NBEA: variants seen among roughly 807,000 people sequenced by gnomAD.
The protein encoded by NBEA is lysosomal-trafficking regulator 2.
Under a neutral mutation model 343.4 loss-of-function variants are expected in NBEA, and 44 were observed. The observed-to-expected ratio is 0.13, with a 90% CI of 0.10 to 0.16. The LOEUF (loss-of-function observed/expected upper bound fraction) is 0.16, where lower values mean the gene tolerates loss of function less well. Ranked by LOEUF, NBEA falls within the 10% of genes least tolerant of loss-of-function variation. The pLI is 1.00. For synonymous variants in NBEA, 1,175 were observed against 1,238.7 expected (o/e 0.95, Z 1.08); for missense variants, 2,555 against 3,631.3 (o/e 0.70, Z 7.62).
At chr13:35,025,584 A>G (rs540423108) in intron 1 of NBEA, among the ~76,000 whole-genome samples, 5 of 151,976 alleles carry the variant, frequency 3.3e-5, no homozygotes, top group Admixed American at 3.3e-4. Context: ...TTTGAAGTTG[A>G]GTAGTGTAAT....
At chr13:35,539,974 C>G (rs2153004611) in intron 41 of NBEA, among the ~76,000 whole-genome samples, 1 of 132,000 alleles carries the variant, frequency 7.6e-6, no homozygotes, top group Admixed American at 7.9e-5. Flanking sequence ...ATGCAGTTTT[C>G]TTCAGGTTAA....
chr13:34,966,269 T>C (rs2059817952), intron 1 of NBEA, among the ~76,000 whole-genome samples: 1 of 152,040 alleles, frequency 6.6e-6, no homozygotes, highest in Admixed American at 6.6e-5. Context: ...GATAGAGTAG[T>C]GTCCTCTTAT....
chr13:35,254,698 G>T (rs530802636), intron 34 of NBEA, among the ~76,000 whole-genome samples: 1 of 151,788 alleles, frequency 6.6e-6, no homozygotes, highest in African/African-American at 2.4e-5. Context: ...TTTTTTTCAA[G>T]ATAAAGACAG....
At chr13:35,471,034 G>C (rs2075620790) in intron 40 of NBEA, among the ~76,000 whole-genome samples, 2 of 152,138 alleles carry the variant, frequency 1.3e-5, no homozygotes, top group South Asian at 4.1e-4. Flanking sequence ...TCGGGGGATC[G>C]AGAGCAGTGA....
intron 1 of NBEA, among the ~76,000 whole-genome samples, chr13:34,995,536 C>G (rs774811162): frequency 2.6e-5 from 4 of 152,124 alleles, no homozygotes; most frequent in African/African-American, 7.2e-5. Flanking sequence ...GATTAGGCAG[C>G]CCTCAGAACT....
chr13:34,981,612 T>G (rs1029161986), intron 1 of NBEA, among the ~76,000 whole-genome samples: 2 of 152,200 alleles, frequency 1.3e-5, no homozygotes, highest in Non-Finnish European at 2.9e-5. Flanking sequence ...GTGTCTGTGT[T>G]CATCAGAGAT....
chr13:35,623,757 C>A (rs1030064507), intron 48 of NBEA, among the ~76,000 whole-genome samples: 1 of 151,982 alleles, frequency 6.6e-6, no homozygotes, highest in South Asian at 2.1e-4. Flanking sequence ...ACTTACAAGG[C>A]TTATGGAAAT....
At chr13:35,395,719 C>T (rs1040475409) in intron 38 of NBEA, among the ~76,000 whole-genome samples, 1 of 151,922 alleles carries the variant, frequency 6.6e-6, no homozygotes, top group Non-Finnish European at 1.5e-5. Flanking sequence ...ACTCATTCTC[C>T]CTATTAAAAG....
intron 4 of NBEA, among the ~76,000 whole-genome samples, chr13:35,045,991 T>C (rs974023558): frequency 2.6e-5 from 4 of 152,184 alleles, no homozygotes; most frequent in Non-Finnish European, 5.9e-5. Context: ...CCCAAAGTGC[T>C]GGGGTTACAG....
At chr13:35,420,307 T>A (rs2044190208) in intron 38 of NBEA, among the ~76,000 whole-genome samples, 1 of 152,082 alleles carries the variant, frequency 6.6e-6, no homozygotes, top group African/African-American at 2.4e-5. Flanking sequence ...TTATTCCTGT[T>A]TTCCTGAACT....
chr13:35,659,243 G>T (rs1239009209), intron 55 of NBEA, among the ~76,000 whole-genome samples: 2 of 152,134 alleles, frequency 1.3e-5, no homozygotes, highest in Non-Finnish European at 2.9e-5. Context: ...ATAATGAAGG[G>T]ATTGGCCTTG....
Position 35,232,535 on chromosome 13 carries a change from C to T in NBEA, c.5692C>T (p.Leu1898Phe). The change falls in exon 34 of 59, where the codon CTT (leucine) becomes TTT (phenylalanine). Residue 1898 changes from leucine (L) to phenylalanine (F), a missense_variant. Leu to Phe is a conservative substitution (Grantham distance 22). This residue lies in a region of NBEA where 84 missense variants were observed against 196.4 expected (regional missense o/e 0.43). Transcript: ENST00000379939. The part of the protein sequence containing the change: ...LERALEKVAP[L>F]LREIFVDFAP... ...AAGAGCGTTAGAAAAAGTTGCTCCTCTTCTTCGTGAAATTTTTGTAGACTT... is the reference window on the plus strand; with the variant it reads ...AAGAGCGTTAGAAAAAGTTGCTCCTTTTCTTCGTGAAATTTTTGTAGACTT... The T allele has an allele frequency of 1.3e-6, 2 of 1,550,076 alleles. No homozygotes were observed. The highest frequency in any genetic ancestry group is 1.7e-6 in the Non-Finnish European group (2 of 1,145,722).
At chr13:35,197,544 G>GTCTC (rs2072707907) in intron 31 of NBEA, among the ~76,000 whole-genome samples, 1 of 151,670 alleles carries the variant, frequency 6.6e-6, no homozygotes, top group African/African-American at 2.4e-5. Context: ...TTGAGATGGA[G>GTCTC]TCTCACTCTG....
In NBEA at chr13:35,141,268, G is replaced by GT. The variant is rs199758755; in HGVS notation, c.2337-994dup. 6.5e-3 allele frequency among the ~76,000 whole-genome samples: 984 copies of GT among 151,944 alleles called. 11 individuals carry two copies. The highest frequency in any genetic ancestry group is 0.023 in the African/African-American group (942 of 41,454). On this transcript the variant is annotated intron_variant, in intron 17 of 58. Coordinates refer to ENST00000379939, the MANE Select transcript of NBEA (RefSeq NM_001385012.1). ...GATCCAGATTTTGAATTCTTTTTTTGTTTTTTTGTTTTTTTCTTGAGATGG... is the reference window on the plus strand; with the variant it reads ...GATCCAGATTTTGAATTCTTTTTTTGTTTTTTTTGTTTTTTTCTTGAGATGG...
chr13:35,001,162 A>T (rs1052544932), intron 1 of NBEA, among the ~76,000 whole-genome samples: 4 of 152,166 alleles, frequency 2.6e-5, no homozygotes, highest in Non-Finnish European at 5.9e-5. Flanking sequence ...GGGTAACTGA[A>T]GGAAGAAACA....
At chr13:35,571,583 G>A (rs557632968) in intron 45 of NBEA, among the ~76,000 whole-genome samples, 31 of 152,300 alleles carry the variant, frequency 2.0e-4, no homozygotes, top group South Asian at 6.2e-4. Context: ...GCCTGACACA[G>A]AAGTGGCATT....
intron 38 of NBEA, among the ~76,000 whole-genome samples, chr13:35,370,929 A>G (rs1272222318): frequency 1.5e-4 from 22 of 151,608 alleles, no homozygotes; most frequent in Admixed American, 1.3e-3. Context: ...TTCTTTGAAT[A>G]TGACATCTCA....
At chr13:35,364,606 A>G (rs972115723) in intron 38 of NBEA, among the ~76,000 whole-genome samples, 4 of 151,844 alleles carry the variant, frequency 2.6e-5, no homozygotes, top group Non-Finnish European at 5.9e-5. Context: ...GACAACTCCA[A>G]AATGTTGTCA....
chr13:35,243,327 A>G (rs2030640008), intron 34 of NBEA, among the ~76,000 whole-genome samples: 1 of 151,962 alleles, frequency 6.6e-6, no homozygotes. Context: ...TCAACTACAC[A>G]CAAAGGAGGG....
Sources: gnomAD v4.1 joint callset for allele counts (sites outside exome capture counted in the v4.1 genomes callset) on GRCh38, gnomAD v4.1.1 for gene constraint, gnomAD v4.1.1 regional missense constraint, MANE v1.5 for transcripts, NCBI Gene and HGNC (gene_info 2026-07-23, HGNC 2026-07-21) for gene names.